ZNF677: variants seen among roughly 807,000 people sequenced by gnomAD.
ZNF677 encodes the protein hypothetical protein MGC48625.
ZNF677 carries 5 observed loss-of-function variants against 8.1 expected under a neutral mutation model. The observed-to-expected ratio is 0.62, with a 90% CI of 0.32 to 1.29. The LOEUF (loss-of-function observed/expected upper bound fraction) is 1.29, where lower values mean the gene tolerates loss of function less well. ZNF677 is among the 50% of genes most tolerant of loss of function. The probability of loss-of-function intolerance (pLI) is 0.05; values close to 1 mark genes in which losing one functional copy is unlikely to be tolerated. For missense variants in ZNF677, 685 were observed against 685.9 expected, an observed-to-expected ratio of 1.00 and a Z score of 0.01; for synonymous variants, 221 against 225.6, an observed-to-expected ratio of 0.98 and a Z score of 0.18.
In ZNF677 at chr19:53,236,381, T is replaced by C. The variant is rs974629667; in HGVS notation, c.*591A>G. On this transcript the variant is annotated 3_prime_UTR_variant, in exon 5 of 5. Transcript: ENST00000598513. ...ATTTCATACTTTTAAAAATATGAAA[T>C]AACTGAATAAAAAATTTTTAACACT... The C allele has an allele frequency of 3.9e-5, 6 of 152,140 alleles. No homozygotes were observed. Among genetic ancestry groups the C allele is most frequent in the African/African-American group, 1.4e-4 (6 of 41,430 alleles). 9.4% of individuals were successfully genotyped at this position (152,140 alleles called of 1,614,324 possible). A position where few individuals can be genotyped will look rare whatever the true frequency, so the allele number is the denominator to read the frequency against.
At position 53,237,177 on chromosome 19, in the gene ZNF677, C is replaced by T. The variant is rs375280571; in HGVS notation, c.1550G>A (p.Cys517Tyr). The change falls in exon 5 of 5, where the codon TGT becomes TAT. Residue 517 changes from cysteine to tyrosine, a missense_variant. Physicochemically the swap from Cys to Tyr is radical, Grantham distance 194. Coordinates refer to ENST00000598513, the MANE Select transcript of ZNF677 (RefSeq NM_182609.4). Reference protein sequence around the residue: ...KIHTGEKPYKCTECGKAFTQF... With the variant: ...KIHTGEKPYKYTECGKAFTQF... Reference sequence around the variant, plus strand: ...GGTAAAAGCTTTGCCACATTCAGTACATTTGTAAGGTTTCTCTCCAGTATG... The same window carrying T: ...GGTAAAAGCTTTGCCACATTCAGTATATTTGTAAGGTTTCTCTCCAGTATG... The T allele has an allele frequency of 1.2e-6, 2 of 1,612,778 alleles. No homozygotes were observed. The highest frequency in any genetic ancestry group is 1.7e-6 in the Non-Finnish European group (2 of 1,179,286).
At position 53,243,731 on chromosome 19, in the gene ZNF677, C is replaced by A; in HGVS notation, c.169+13G>T. On this transcript the variant is annotated intron_variant, in intron 4 of 4. Transcript: ENST00000598513. ...TCACAAGGAAAAATGTAAAGATGTA[C>A]AAGGGTGGTTACCATCTTCTGGAGG... 1 of 1,614,134 alleles carries A rather than the reference C, an allele frequency of 6.2e-7. No homozygotes were observed. The highest frequency in any genetic ancestry group is 8.5e-7 in the Non-Finnish European group (1 of 1,180,008).
chr19:53,244,158 T>C (rs779129550), intron 3 of ZNF677: 2 of 416,004 alleles, frequency 4.8e-6, no homozygotes, highest in Non-Finnish European at 8.5e-6. Context: ...GCTCAGGAGT[T>C]TGAAACAGTC....
chr19:53,238,677 TC>T, intron 4 of ZNF677, 120 bp from the exon 5 acceptor site: 2 of 944,850 alleles, frequency 2.1e-6, no homozygotes, highest in Non-Finnish European at 3.0e-6. Flanking sequence ...ATGAAGCTTC[TC>T]AACTGTCTTT....
chr19:53,237,753 C>A lies in ZNF677; in HGVS notation c.974G>T (p.Gly325Val), dbSNP rs966230224. The change falls in exon 5 of 5, where the codon GGC becomes GTC. Residue 325 changes from glycine (G) to valine (V), a missense_variant. Coordinates refer to ENST00000598513, the MANE Select transcript of ZNF677 (RefSeq NM_182609.4). ...ATTTGAATTTTGACTACAGACCTTGCCACATATATTACATTGATATGGTTT... is the reference window on the plus strand; with the variant it reads ...ATTTGAATTTTGACTACAGACCTTGACACATATATTACATTGATATGGTTT... ...GEKPYQCNIC[G>V]KVCSQNSNLA... is the part of the protein sequence containing the mutation. The A allele has an allele frequency of 1.2e-6, 2 of 1,613,632 alleles. No individual in the cohort carries two copies. Among genetic ancestry groups the A allele is most frequent in the African/African-American group, 1.3e-5 (1 of 74,886 alleles).
intron 4 of ZNF677, chr19:53,240,143 T>C (rs1488573312): frequency 6.6e-6 from 1 of 152,282 alleles, no homozygotes; most frequent in Non-Finnish European, 1.5e-5. Flanking sequence ...GTCCTGTGTA[T>C]AAGCAGGAGT....
rs1473520568 is a variant in ZNF677, at chr19:53,243,781, C to T, written c.132G>A (p.Leu44=). ...RDVMLENYRN[L]LSLDEDNIPP... The stretch of plus-strand genomic sequence containing the variant: ...GGATGTTATCCTCATCGAGAGAAAG[C>T]AGGTTCCTGTAGTTCTCCAACATCA... Residue 44 remains leucine, a synonymous_variant, in exon 4 of 5, where the codon CTG becomes CTA. Coordinates refer to ENST00000598513, the MANE Select transcript of ZNF677 (RefSeq NM_182609.4). 2 of 1,614,074 alleles carry T rather than the reference C, an allele frequency of 1.2e-6. No individual in the cohort carries two copies. The highest frequency in any genetic ancestry group is 1.7e-6 in the Non-Finnish European group (2 of 1,180,042).
intron 3 of ZNF677, among the ~76,000 whole-genome samples, chr19:53,248,061 GCTT>G (rs2091175187): frequency 6.6e-6 from 1 of 151,938 alleles, no homozygotes; most frequent in African/African-American, 2.4e-5. Context: ...TCCCTTACTT[GCTT>G]CTTTGTGTGT....
At chr19:53,247,218 A>G (rs1234638845) in intron 3 of ZNF677, among the ~76,000 whole-genome samples, 2 of 152,284 alleles carry the variant, frequency 1.3e-5, no homozygotes, top group East Asian at 3.9e-4. Flanking sequence ...TGCACTAGAC[A>G]AGAGTGCAGA....
rs2091000819 is a variant in ZNF677 at position 53,238,451 on chromosome 19, G to A, written c.276C>T (p.Asn92=). The A allele has an allele frequency of 5.0e-6, 8 of 1,613,698 alleles. No individual in the cohort carries two copies. Among genetic ancestry groups the A allele is most frequent in the African/African-American group, 1.3e-5 (1 of 75,028 alleles). ...ILERKESHGI[N]NFDLKEVWEN... ...CCCAGACTTCCTTGAGGTCAAAATT[G>A]TTGATGCCATGGCTTTCCTTTCTTT... Residue 92 remains asparagine, a synonymous_variant, in exon 5 of 5, where the codon AAC becomes AAT. Coordinates refer to ENST00000598513, the MANE Select transcript of ZNF677 (RefSeq NM_182609.4).
intron 4 of ZNF677, chr19:53,242,573 C>T: frequency 2.5e-6 from 1 of 395,802 alleles, no homozygotes; most frequent in Non-Finnish European, 4.4e-6. Context: ...GTGGCAAAAG[C>T]AGAACTGAAG....
chr19:53,245,043 C>T (rs897980359), intron 3 of ZNF677, among the ~76,000 whole-genome samples: 17 of 151,890 alleles, frequency 1.1e-4, no homozygotes, highest in African/African-American at 3.6e-4. Flanking sequence ...ATCTGTACAC[C>T]CAAATGCAAA....
In ZNF677 at chr19:53,238,044, G is replaced by T; in HGVS notation, c.683C>A (p.Pro228Gln). Reference sequence around the variant, plus strand: ...AATGTTTTTGACACAAGGAGGAAGTGGTGAAACTGAGGAACTATTGATAGA... The same window carrying T: ...AATGTTTTTGACACAAGGAGGAAGTTGTGAAACTGAGGAACTATTGATAGA... Reference protein sequence around the residue: ...EKSINSSSVSPLPPCVKNICN... With the variant: ...EKSINSSSVSQLPPCVKNICN... The change falls in exon 5 of 5, where the codon CCA (proline) becomes CAA (glutamine). Residue 228 changes from proline to glutamine, a missense_variant. Pro to Gln is a moderately conservative substitution (Grantham distance 76). Transcript: ENST00000598513. 1.2e-6 allele frequency: 2 copies of T among 1,613,978 alleles called. No individual in the cohort carries two copies. The highest frequency in any genetic ancestry group is 1.7e-6 in the Non-Finnish European group (2 of 1,179,976).
At chr19:53,252,037 G>T (rs2091243064) in intron 2 of ZNF677, among the ~76,000 whole-genome samples, 1 of 152,100 alleles carries the variant, frequency 6.6e-6, no homozygotes, top group African/African-American at 2.4e-5. Context: ...ACAGGCAGGG[G>T]GAAAGCATAA....
chr19:53,249,890 G>C (rs1188412780), intron 3 of ZNF677, among the ~76,000 whole-genome samples: 2 of 151,790 alleles, frequency 1.3e-5, no homozygotes, highest in African/African-American at 4.8e-5. Context: ...TTATTTTTTT[G>C]AGATGGAGTT....
chr19:53,240,839 G>A (rs1405646505), intron 4 of ZNF677: 1 of 152,044 alleles, frequency 6.6e-6, no homozygotes, highest in East Asian at 1.9e-4. Flanking sequence ...TGGACTTTGG[G>A]TGATAATGAT....
chr19:53,244,426 A>C (rs1211650513), intron 3 of ZNF677, among the ~76,000 whole-genome samples: 1 of 152,174 alleles, frequency 6.6e-6, no homozygotes, highest in Non-Finnish European at 1.5e-5. Flanking sequence ...ACATTCACAA[A>C]GTTATACACC....
At chr19:53,254,109 C>T (rs944208457) in intron 1 of ZNF677, among the ~76,000 whole-genome samples, 3 of 152,136 alleles carry the variant, frequency 2.0e-5, no homozygotes, top group Admixed American at 6.5e-5. Context: ...AACAATGAAG[C>T]AAATTTTAAA....
At chr19:53,243,986 G>T in intron 3 of ZNF677, 89 bp from the exon 4 acceptor site, 1 of 1,272,186 alleles carries the variant, frequency 7.9e-7, no homozygotes, top group Non-Finnish European at 1.1e-6. Flanking sequence ...CATATTCACT[G>T]ATTTATGTGA....
Sources: allele counts gnomAD v4.1 joint callset (sites outside exome capture counted in the v4.1 genomes callset), GRCh38; gene constraint gnomAD v4.1.1; transcripts MANE v1.5; gene names NCBI Gene and HGNC (gene_info 2026-07-23, HGNC 2026-07-21).